RAD51B: variants seen among roughly 807,000 people sequenced by gnomAD.
RAD51B encodes the protein DNA repair protein RAD51 homolog 2.
A neutral mutation model predicts 42.2 loss-of-function variants in RAD51B; 38 were observed. The ratio of observed to expected loss-of-function variants is 0.90; its 90% CI spans 0.70 to 1.18. The LOEUF is 1.18. RAD51B is among the 50% of genes most tolerant of loss of function. The probability of loss-of-function intolerance (pLI) is 0.00; values close to 1 mark genes in which losing one functional copy is unlikely to be tolerated. For missense variants in RAD51B, 373 were observed against 400.7 expected, an observed-to-expected ratio of 0.93 and a Z score of 0.59; for synonymous variants, 154 against 145.2, an observed-to-expected ratio of 1.06 and a Z score of -0.43.
intron 7 of RAD51B, among the ~76,000 whole-genome samples, chr14:68,148,314 G>A (rs1351065585): frequency 5.3e-5 from 8 of 152,256 alleles, no homozygotes; most frequent in Admixed American, 5.2e-4. Context: ...TTTGAAAAGA[G>A]GTATGCTTTC....
At chr14:68,048,993 T>C (rs1188588674) in intron 7 of RAD51B, among the ~76,000 whole-genome samples, 4 of 152,054 alleles carry the variant, frequency 2.6e-5, no homozygotes, top group Non-Finnish European at 5.9e-5. Context: ...ATTGAGAAAA[T>C]GTGGCACATT....
intron 11 of RAD51B, among the ~76,000 whole-genome samples, chr14:68,673,885 T>C (rs541250594): frequency 6.9e-4 from 96 of 139,478 alleles, no homozygotes; most frequent in African/African-American, 2.6e-3. Flanking sequence ...TGCACACACA[T>C]GTATACATGC....
At chr14:67,976,480 C>CT (rs2074997378) in intron 7 of RAD51B, among the ~76,000 whole-genome samples, 1 of 151,462 alleles carries the variant, frequency 6.6e-6, no homozygotes, top group South Asian at 2.1e-4. Flanking sequence ...TATTATTATA[C>CT]TTTAAGTTTT....
intron 9 of RAD51B, among the ~76,000 whole-genome samples, chr14:68,429,998 A>G (rs1276628756): frequency 6.6e-6 from 1 of 152,152 alleles, no homozygotes; most frequent in Non-Finnish European, 1.5e-5. Flanking sequence ...CGTTTATTAA[A>G]TAGGGAATCC....
chr14:68,130,970 A>G (rs975971057), intron 7 of RAD51B, among the ~76,000 whole-genome samples: 12 of 152,096 alleles, frequency 7.9e-5, no homozygotes. Flanking sequence ...TATTTGTTTG[A>G]GTATCAGTGG....
intron 7 of RAD51B, among the ~76,000 whole-genome samples, chr14:68,143,332 T>C (rs1473171096): frequency 2.0e-5 from 3 of 152,200 alleles, no homozygotes; most frequent in Non-Finnish European, 4.4e-5. Flanking sequence ...TGACAGATAA[T>C]GGTGTGGAAG....
intron 10 of RAD51B, among the ~76,000 whole-genome samples, chr14:68,566,864 A>G (rs966810812): frequency 3.3e-5 from 5 of 151,912 alleles, no homozygotes; most frequent in African/African-American, 1.2e-4. Context: ...CTTCTTTCTT[A>G]TTACTCTTCA....
Position 68,477,830 on chromosome 14 carries a change from T to G in RAD51B, c.*166T>G. ...CTCCTAAACCATTGAGCTAGCGATT[T>G]CAGACCTAGCAGGGAAGGTGAAGAT... On this transcript the variant is annotated 3_prime_UTR_variant, in exon 11 of 11. Coordinates refer to ENST00000471583, the MANE Select transcript of RAD51B (RefSeq NM_133510.4). 6.2e-6 allele frequency: 9 copies of G among 1,452,072 alleles called. No homozygotes were observed. The highest frequency in any genetic ancestry group is 7.3e-6 in the Non-Finnish European group (8 of 1,102,968). The allele number at this position is 1,452,072 out of a possible 1,614,324, so 89.9% of individuals were successfully genotyped here.
downstream of RAD51B, among the ~76,000 whole-genome samples, chr14:68,480,662 GA>G (rs111748995): frequency 0.22 from 31,918 of 145,884 alleles, 3,483 homozygotes; most frequent in Non-Finnish European, 0.24. Context: ...AGATTATCAG[GA>G]AAAAAAAAAA....
chr14:68,377,430 T>C (rs2083392208), intron 8 of RAD51B, among the ~76,000 whole-genome samples: 1 of 152,202 alleles, frequency 6.6e-6, no homozygotes, highest in Non-Finnish European at 1.5e-5. Flanking sequence ...TCAAACTTGT[T>C]AGGGAGAAAC....
At chr14:67,974,251 T>G (rs1427279698) in intron 7 of RAD51B, among the ~76,000 whole-genome samples, 2 of 152,054 alleles carry the variant, frequency 1.3e-5, no homozygotes, top group Non-Finnish European at 2.9e-5. Context: ...TTTAGGGAAT[T>G]ACAATGAAGA....
intron 7 of RAD51B, among the ~76,000 whole-genome samples, chr14:67,920,647 G>T (rs2044293131): frequency 6.6e-6 from 1 of 152,100 alleles, no homozygotes; most frequent in African/African-American, 2.4e-5. Flanking sequence ...TGTAATATGT[G>T]GTCACCCAGG....
intron 7 of RAD51B, among the ~76,000 whole-genome samples, chr14:67,893,531 T>G (rs1209298692): frequency 1.1e-4 from 15 of 141,672 alleles, no homozygotes; most frequent in Admixed American, 2.1e-4. Context: ...ATTAGCTGGG[T>G]GTGGTGCTAC....
downstream of RAD51B, among the ~76,000 whole-genome samples, chr14:68,479,351 G>GA (rs1278716521): frequency 2.0e-5 from 3 of 152,142 alleles, no homozygotes; most frequent in African/African-American, 7.2e-5. Context: ...CGTTGGCCTT[G>GA]AAAAAACAGC....
At chr14:67,841,042 C>T (rs11622521) in intron 4 of RAD51B, among the ~76,000 whole-genome samples, 50,580 of 151,996 alleles carry the variant, frequency 0.33, 8,819 homozygotes, top group Middle Eastern at 0.45. Context: ...TCAAGTGATC[C>T]GCCCACCTCA....
At position 68,195,624 on chromosome 14, in the gene RAD51B, C is replaced by T. The variant is rs189297453; in HGVS notation, c.757-96260C>T. On this transcript the variant is annotated intron_variant, in intron 7 of 10. Coordinates refer to ENST00000471583, the MANE Select transcript of RAD51B (RefSeq NM_133510.4). Reference sequence around the variant, plus strand: ...TTTTGATATTTTTAAAAATTATATTCCTGGCCGGGCATGGTAGCTTACACC... The same window carrying T: ...TTTTGATATTTTTAAAAATTATATTTCTGGCCGGGCATGGTAGCTTACACC... Among the ~76,000 whole-genome samples the T allele has an allele frequency of 5.3e-5, 8 of 152,146 alleles. No individual in the cohort carries two copies. In the East Asian group the frequency reaches 1.4e-3, roughly 26 times the overall value.
rs942964532 is a variant in RAD51B at position 67,918,492 on chromosome 14, C to T, written c.756+31288C>T. Among the ~76,000 whole-genome samples the T allele has an allele frequency of 7.9e-4, 121 of 152,262 alleles. 1 individual carries two copies. The highest frequency in any genetic ancestry group is 2.9e-3 in the African/African-American group (120 of 41,546). On this transcript the variant is annotated intron_variant, in intron 7 of 10. Coordinates refer to ENST00000471583, the MANE Select transcript of RAD51B (RefSeq NM_133510.4). ...TCAGTTGATTCATCTGCCTCGGCCT[C>T]CCAAAATGCTGGGATTACAGGCATG...
intron 7 of RAD51B, among the ~76,000 whole-genome samples, chr14:68,065,224 A>G (rs571516899): frequency 6.6e-6 from 1 of 152,200 alleles, no homozygotes; most frequent in African/African-American, 2.4e-5. Flanking sequence ...CTTCAGCTGT[A>G]GTCAGTGTTG....
intron 7 of RAD51B, among the ~76,000 whole-genome samples, chr14:68,072,038 T>C (rs2076747332): frequency 7.9e-6 from 1 of 127,368 alleles, no homozygotes; most frequent in Admixed American, 8.1e-5. Flanking sequence ...TTCTAGATTT[T>C]ATATATATAT....
Sources: gnomAD v4.1 joint callset for allele counts (sites outside exome capture counted in the v4.1 genomes callset) on GRCh38, gnomAD v4.1.1 for gene constraint, MANE v1.5 for transcripts, NCBI Gene and HGNC (gene_info 2026-07-23, HGNC 2026-07-21) for gene names.